CNTLN: variants seen among roughly 807,000 people sequenced by gnomAD.
CNTLN encodes the protein centlein, also known as centlein, centrosomal protein.
In CNTLN, 212 loss-of-function variants were observed where a neutral mutation model predicts 180.0. That is an observed-to-expected ratio of 1.18 (90% confidence interval 1.05 to 1.32). The LOEUF (loss-of-function observed/expected upper bound fraction) is 1.32, where lower values mean the gene tolerates loss of function less well. Among genes scored for constraint, CNTLN ranks in the 40% most tolerant of loss-of-function variants. CNTLN has a pLI of 0.00. For missense variants in CNTLN, 2,095 were observed against 1,610.9 expected, an observed-to-expected ratio of 1.30 and a Z score of -5.14; for synonymous variants, 722 against 563.1, an observed-to-expected ratio of 1.28 and a Z score of -3.99.
chr9:17,411,048 A>G (rs1827807009), intron 16 of CNTLN, among the ~76,000 whole-genome samples: 1 of 152,136 alleles, frequency 6.6e-6, no homozygotes, highest in Non-Finnish European at 1.5e-5. Context: ...GGATTTTGAT[A>G]GTGACTCTAT....
chr9:17,197,358 C>T (rs762409091), intron 2 of CNTLN, among the ~76,000 whole-genome samples: 1 of 151,986 alleles, frequency 6.6e-6, no homozygotes, highest in South Asian at 2.1e-4. Flanking sequence ...ATCTCATTGT[C>T]ATTTTGATTT....
At chr9:17,313,472 A>T (rs1018818542) in intron 8 of CNTLN, among the ~76,000 whole-genome samples, 11 of 151,490 alleles carry the variant, frequency 7.3e-5, no homozygotes, top group African/African-American at 2.2e-4. Context: ...ACAGTTTCTG[A>T]TGGTAATTCA....
intron 2 of CNTLN, among the ~76,000 whole-genome samples, chr9:17,212,166 A>T (rs1361451851): frequency 6.6e-6 from 1 of 152,188 alleles, no homozygotes; most frequent in Non-Finnish European, 1.5e-5. Context: ...GTTTTTGCCC[A>T]TTCAGTATGA....
intron 2 of CNTLN, among the ~76,000 whole-genome samples, chr9:17,161,418 T>G (rs753080588): frequency 2.0e-5 from 3 of 152,160 alleles, no homozygotes; most frequent in Non-Finnish European, 4.4e-5. Flanking sequence ...AACCACTGTA[T>G]TTTGTCTTTA....
intron 2 of CNTLN, among the ~76,000 whole-genome samples, chr9:17,215,094 G>A (rs891759265): frequency 3.3e-5 from 5 of 152,210 alleles, no homozygotes; most frequent in African/African-American, 7.2e-5. Context: ...CGTTGCTGGC[G>A]AGGAGCTGCA....
intron 15 of CNTLN, among the ~76,000 whole-genome samples, chr9:17,406,600 C>G (rs183144030): frequency 4.0e-5 from 6 of 151,830 alleles, no homozygotes; most frequent in Admixed American, 3.9e-4. Flanking sequence ...TCTTATCTTG[C>G]TCATTTTTTC....
At chr9:17,344,439 T>C (rs1476538606) in intron 12 of CNTLN, among the ~76,000 whole-genome samples, 1 of 152,156 alleles carries the variant, frequency 6.6e-6, no homozygotes, top group Admixed American at 6.6e-5. Context: ...GAATAAACTT[T>C]AACGTAAGCT....
chr9:17,183,124 A>G (rs950575867), intron 2 of CNTLN, among the ~76,000 whole-genome samples: 6 of 152,204 alleles, frequency 3.9e-5, no homozygotes, highest in Admixed American at 6.5e-5. Flanking sequence ...ATCTGTATTT[A>G]CTAATGATTC....
Position 17,480,752 on chromosome 9 carries a change from A to C in CNTLN, c.3856-3543A>C, listed in dbSNP as rs556888670. Among the ~76,000 whole-genome samples the C allele has an allele frequency of 7.2e-5, 11 of 152,320 alleles. No individual in the cohort carries two copies. In the South Asian group the frequency reaches 2.3e-3, roughly 32 times the overall value. ...CCACTTAAAAATTGTAAACCCTTCTATCTGATTTAGGGTTAAGGAAGAAAT... is the reference window on the plus strand; with the variant it reads ...CCACTTAAAAATTGTAAACCCTTCTCTCTGATTTAGGGTTAAGGAAGAAAT... On this transcript the variant is annotated intron_variant, in intron 23 of 25. Coordinates refer to ENST00000380647, the MANE Select transcript of CNTLN (RefSeq NM_017738.4).
intron 25 of CNTLN, among the ~76,000 whole-genome samples, chr9:17,500,752 C>T (rs961400976): frequency 6.6e-6 from 1 of 152,146 alleles, no homozygotes; most frequent in African/African-American, 2.4e-5. Flanking sequence ...TTACTCCCTT[C>T]TTGTATTTTC....
chr9:17,466,068 T>C lies in CNTLN; in HGVS notation c.3619T>C (p.Ser1207Pro), dbSNP rs761922901. ...QRLNVAVKEKSQYEQMYQKSK... is the reference protein window; with the variant it reads ...QRLNVAVKEKPQYEQMYQKSK... ...ACTTAACGTTGCTGTAAAAGAAAAGTCACAGTATGAACAGATGTATCAGAA... is the reference window on the plus strand; with the variant it reads ...ACTTAACGTTGCTGTAAAAGAAAAGCCACAGTATGAACAGATGTATCAGAA... The change falls in exon 22 of 26, where the codon TCA (serine) becomes CCA (proline). Residue 1207 changes from serine (S) to proline (P), a missense_variant. Ser to Pro is a moderately conservative substitution (Grantham distance 74). Coordinates refer to ENST00000380647, the MANE Select transcript of CNTLN (RefSeq NM_017738.4). The C allele has an allele frequency of 3.1e-6, 5 of 1,606,556 alleles. No individual in the cohort carries two copies. Among genetic ancestry groups the C allele is most frequent in the Non-Finnish European group, 4.3e-6 (5 of 1,175,050 alleles).
intron 5 of CNTLN, among the ~76,000 whole-genome samples, chr9:17,244,737 TC>T (rs1318534356): frequency 6.6e-6 from 1 of 152,184 alleles, no homozygotes; most frequent in Admixed American, 6.6e-5. Context: ...CTTCTGTTTT[TC>T]TTTTAGTAAA....
chr9:17,141,662 G>C (rs528800280), intron 1 of CNTLN, among the ~76,000 whole-genome samples: 1 of 152,344 alleles, frequency 6.6e-6, no homozygotes, highest in South Asian at 2.1e-4. Context: ...AGCTGGGCAA[G>C]AGACGGAATT....
At chr9:17,298,043 C>A in intron 6 of CNTLN, 147 bp from the exon 7 acceptor site, 1 of 499,556 alleles carries the variant, frequency 2.0e-6, no homozygotes, top group East Asian at 3.4e-5. Flanking sequence ...TTAAATATGT[C>A]ATTATTTCTT....
chr9:17,232,451 C>T (rs1824872717), intron 3 of CNTLN, among the ~76,000 whole-genome samples: 2 of 151,550 alleles, frequency 1.3e-5, no homozygotes, highest in Admixed American at 1.3e-4. Context: ...CATGAAAGGA[C>T]TCTCTATTGG....
the CNTLN span, among the ~76,000 whole-genome samples, chr9:17,510,004 T>C: frequency 6.6e-6 from 1 of 152,166 alleles, no homozygotes; most frequent in Non-Finnish European, 1.5e-5. Context: ...GAAATTGGAC[T>C]ACTACTCTAC....
In CNTLN at chr9:17,502,693, TA is replaced by T. The variant is rs776937054; in HGVS notation, c.*42del. 1.3e-6 allele frequency: 1 copy of T among 777,228 alleles called. No homozygotes were observed. The highest frequency in any genetic ancestry group is 2.0e-5 in the South Asian group (1 of 50,256). The allele number at this position is 777,228 out of a possible 1,614,324, so 48.1% of individuals were successfully genotyped here. A position where few individuals can be genotyped will look rare whatever the true frequency, so the allele number is the denominator to read the frequency against. On this transcript the variant is annotated 3_prime_UTR_variant, in exon 26 of 26. Coordinates refer to ENST00000380647, the MANE Select transcript of CNTLN (RefSeq NM_017738.4). ...CTTTATTGCAAATGTGAAAACTTTT[TA>T]TGTGGTGTGATTGGAATACATGCAT...
At chr9:17,319,062 A>G (rs1417396026) in intron 8 of CNTLN, among the ~76,000 whole-genome samples, 1 of 152,246 alleles carries the variant, frequency 6.6e-6, no homozygotes, top group Non-Finnish European at 1.5e-5. Flanking sequence ...AACCTGTGGA[A>G]AGAAGCTTTT....
intron 18 of CNTLN, among the ~76,000 whole-genome samples, chr9:17,425,107 G>C (rs1324744127): frequency 6.6e-6 from 1 of 152,060 alleles, no homozygotes; most frequent in Non-Finnish European, 1.5e-5. Context: ...TATATGAATG[G>C]ATGAGTTATT....
Sources: allele counts gnomAD v4.1 joint callset (sites outside exome capture counted in the v4.1 genomes callset), GRCh38; gene constraint gnomAD v4.1.1; transcripts MANE v1.5; gene names NCBI Gene and HGNC (gene_info 2026-07-23, HGNC 2026-07-21).